The following GALNTL6 variants were observed in gnomAD, a reference collection of about 807,000 sequenced individuals.
GALNTL6 encodes the protein polypeptide N-acetylgalactosaminyltransferase-like 6.
In GALNTL6, 46 loss-of-function variants were observed where a neutral mutation model predicts 73.7. The observed-to-expected ratio is 0.62, with a 90% CI of 0.49 to 0.80. The LOEUF (loss-of-function observed/expected upper bound fraction) is 0.80. Among genes scored for constraint, GALNTL6 ranks in the 30% least tolerant of loss-of-function variants. GALNTL6 has a pLI of 0.00. For synonymous variants in GALNTL6, 259 were observed against 263.7 expected, an observed-to-expected ratio of 0.98 and a Z score of 0.17; for missense variants, 604 against 755.0, an observed-to-expected ratio of 0.80 and a Z score of 2.34.
chr4:172,862,644 G>A (rs1744454855), intron 7 of GALNTL6, among the ~76,000 whole-genome samples: 1 of 152,034 alleles, frequency 6.6e-6, no homozygotes, highest in African/African-American at 2.4e-5. Flanking sequence ...AGGTTGCGGT[G>A]AGCCAACATC....
intron 10 of GALNTL6, among the ~76,000 whole-genome samples, chr4:172,999,984 ATCTTGATATTTAAGAC>A (rs1751974653): frequency 6.6e-6 from 1 of 152,120 alleles, no homozygotes; most frequent in Non-Finnish European, 1.5e-5. Flanking sequence ...TAAATCCCTT[ATCTTGATATTTAAGAC>A]TCTTCACAAA....
rs141078241 is a variant in GALNTL6 at position 171,916,970 on chromosome 4, T to C, written c.138+102252T>C. On this transcript the variant is annotated intron_variant, in intron 2 of 12. Transcript: ENST00000506823. ...GAGAGTTTAGGGATGTCAGTAATGG[T>C]ATTGATGAAGACAGATGATGAATGT... is the stretch of plus-strand genomic sequence containing the variant. 1.5e-3 allele frequency among the ~76,000 whole-genome samples: 231 copies of C among 152,158 alleles called. 1 individual carries two copies. The highest frequency in any genetic ancestry group is 1.0e-2 in the Admixed American group (152 of 15,262).
At chr4:172,950,313 C>T (rs927795597) in intron 9 of GALNTL6, among the ~76,000 whole-genome samples, 1 of 152,188 alleles carries the variant, frequency 6.6e-6, no homozygotes, top group Non-Finnish European at 1.5e-5. Flanking sequence ...AAGTAATAAT[C>T]TCTCAGGGAA....
intron 5 of GALNTL6, among the ~76,000 whole-genome samples, chr4:172,407,224 A>G (rs1432046248): frequency 2.6e-5 from 4 of 152,170 alleles, no homozygotes; most frequent in Non-Finnish European, 5.9e-5. Context: ...TTATCATATT[A>G]TCCAATATGC....
intron 2 of GALNTL6, among the ~76,000 whole-genome samples, chr4:172,213,965 G>A (rs2110932578): frequency 6.6e-6 from 1 of 152,174 alleles, no homozygotes; most frequent in South Asian, 2.1e-4. Context: ...ATTAATTTTT[G>A]TGAAAGATAT....
chr4:172,106,575 A>C (rs990912885), intron 2 of GALNTL6, among the ~76,000 whole-genome samples: 1 of 152,158 alleles, frequency 6.6e-6, no homozygotes, highest in African/African-American at 2.4e-5. Flanking sequence ...GAACTAATGA[A>C]ATCAATTGAA....
intron 2 of GALNTL6, among the ~76,000 whole-genome samples, chr4:172,139,595 T>C (rs747054220): frequency 6.6e-5 from 10 of 152,206 alleles, no homozygotes; most frequent in Non-Finnish European, 1.2e-4. Flanking sequence ...TTCTAGAATA[T>C]AGTTGTTCAG....
chr4:172,940,604 A>G (rs1462422932), intron 9 of GALNTL6, among the ~76,000 whole-genome samples: 5 of 151,666 alleles, frequency 3.3e-5, no homozygotes, highest in Non-Finnish European at 7.4e-5. Context: ...CTCATGATCT[A>G]CCTGCCTCAG....
At chr4:172,464,462 T>A (rs1234688217) in intron 5 of GALNTL6, among the ~76,000 whole-genome samples, 2 of 151,852 alleles carry the variant, frequency 1.3e-5, no homozygotes, top group African/African-American at 4.8e-5. Context: ...AATCCCAGCA[T>A]TTTGGGAGGC....
At chr4:172,230,668 G>T (rs9312518) in intron 3 of GALNTL6, among the ~76,000 whole-genome samples, 58,751 of 151,918 alleles carry the variant, frequency 0.39, 11,507 homozygotes, top group Non-Finnish European at 0.41. Context: ...ATTCAGAAGG[G>T]TATATCAGTA....
chr4:172,700,339 T>C (rs1733956014), intron 5 of GALNTL6, among the ~76,000 whole-genome samples: 1 of 152,146 alleles, frequency 6.6e-6, no homozygotes, highest in East Asian at 1.9e-4. Flanking sequence ...TTAATAACAT[T>C]GTTAAAAACA....
intron 5 of GALNTL6, among the ~76,000 whole-genome samples, chr4:172,488,982 C>G (rs537417645): frequency 6.6e-6 from 1 of 152,204 alleles, no homozygotes; most frequent in African/African-American, 2.4e-5. Context: ...TTCGTCTACT[C>G]AAGACAACAG....
chr4:172,090,561 A>G (rs534418386), intron 2 of GALNTL6, among the ~76,000 whole-genome samples: 1 of 152,114 alleles, frequency 6.6e-6, no homozygotes, highest in South Asian at 2.1e-4. Context: ...TTTTTCTTGT[A>G]AATTTTTTTA....
At chr4:172,482,150 C>T (rs11939125) in intron 5 of GALNTL6, among the ~76,000 whole-genome samples, 27,754 of 152,184 alleles carry the variant, frequency 0.18, 2,701 homozygotes, top group African/African-American at 0.22. Flanking sequence ...CCGGTGGCGC[C>T]GGCCAGCCAC....
Position 173,040,045 on chromosome 4 carries a change from T to C in GALNTL6, c.1751T>C (p.Phe584Ser), listed in dbSNP as rs1175680978. The stretch of plus-strand genomic sequence containing the variant: ...CTCTCTGAGACTCAGCAGTGGATTT[T>C]TGAACACATTAATATGACTGTTTTA... Reference protein sequence around the residue: ...DPLSETQQWIFEHINMTVLEK... With the variant: ...DPLSETQQWISEHINMTVLEK... The change falls in exon 13 of 13, where the codon TTT (phenylalanine) becomes TCT (serine). Residue 584 changes from phenylalanine to serine, a missense_variant. Around this residue, in one of 5 missense-constraint regions of GALNTL6, gnomAD observed 261 missense variants for 296.5 expected, o/e 0.88. Coordinates refer to ENST00000506823, the MANE Select transcript of GALNTL6 (RefSeq NM_001034845.3). The C allele has an allele frequency of 2.5e-6, 4 of 1,613,760 alleles. No individual in the cohort carries two copies. The highest frequency in any genetic ancestry group is 3.4e-6 in the Non-Finnish European group (4 of 1,179,626).
chr4:172,039,645 T>A (rs897492720), intron 2 of GALNTL6, among the ~76,000 whole-genome samples: 5 of 151,950 alleles, frequency 3.3e-5, no homozygotes, highest in African/African-American at 1.2e-4. Context: ...ACCTGAGAAG[T>A]AAAAACAGCC....
chr4:172,327,540 G>A (rs1740983783), intron 4 of GALNTL6, among the ~76,000 whole-genome samples: 1 of 152,034 alleles, frequency 6.6e-6, no homozygotes, highest in Non-Finnish European at 1.5e-5. Context: ...CCTCTTGGTA[G>A]GTCTCTAACG....
intron 5 of GALNTL6, among the ~76,000 whole-genome samples, chr4:172,412,358 T>G (rs1744476514): frequency 6.6e-6 from 1 of 152,054 alleles, no homozygotes; most frequent in Admixed American, 6.6e-5. Context: ...TTTTAGATAA[T>G]GAGATCAGGA....
At chr4:172,336,311 C>T (rs1741323215) in intron 4 of GALNTL6, among the ~76,000 whole-genome samples, 1 of 112,008 alleles carries the variant, frequency 8.9e-6, no homozygotes, top group African/African-American at 3.4e-5. Context: ...CACTCTGTTG[C>T]CCAGGCTGGA....
Sources: gnomAD v4.1 joint callset for allele counts (sites outside exome capture counted in the v4.1 genomes callset) on GRCh38, gnomAD v4.1.1 for gene constraint, gnomAD v4.1.1 regional missense constraint, MANE v1.5 for transcripts, NCBI Gene and HGNC (gene_info 2026-07-23, HGNC 2026-07-21) for gene names.